TRNP1: variants seen among roughly 807,000 people sequenced by gnomAD.
The protein encoded by TRNP1 is TMF-regulated nuclear protein 1.
Under a neutral mutation model 12.2 loss-of-function variants are expected in TRNP1, and 16 were observed. The ratio of observed to expected loss-of-function variants is 1.31; its 90% CI spans 0.89 to 1.99. The LOEUF is 1.99. Among genes scored for constraint, TRNP1 ranks in the 30% most tolerant of loss-of-function variants. The pLI is 0.00. For synonymous variants in TRNP1, 139 were observed against 166.2 expected (o/e 0.84, Z 1.26); for missense variants, 338 against 330.4 (o/e 1.02, Z -0.18).
Position 26,993,984 on chromosome 1 carries a change from G to A in TRNP1, c.198G>A (p.Glu66=), listed in dbSNP as rs774801419. 1.5e-5 allele frequency: 20 copies of A among 1,312,448 alleles called. 1 individual carries two copies. The South Asian group carries it at 3.4e-4, about 22-fold the overall frequency. The allele number at this position is 1,312,448 out of a possible 1,614,324, so 81.3% of individuals were successfully genotyped here. A position where few individuals can be genotyped will look rare whatever the true frequency, so the allele number is the denominator to read the frequency against. Residue 66 remains glutamate (E), a synonymous_variant, in exon 1 of 2, where the codon GAG becomes GAA. Transcript: ENST00000522111. The stretch of plus-strand genomic sequence containing the variant: ...CTGGGGCTTCAGCAGGCGCGGCCGA[G>A]GACCAGGAGCTGCAGCGCTGGCGCC... The part of the protein sequence containing the change: ...DAAGASAGAA[E]DQELQRWRQG...
rs2082531003 is a variant in TRNP1 at position 26,993,940 on chromosome 1, C to T, written c.154C>T (p.Pro52Ser). 2 of 1,345,922 alleles carry T rather than the reference C, an allele frequency of 1.5e-6. No individual in the cohort carries two copies. Among genetic ancestry groups the T allele is most frequent in the Non-Finnish European group, 1.9e-6 (2 of 1,053,744 alleles). The allele number at this position is 1,345,922 out of a possible 1,614,324, so 83.4% of individuals were successfully genotyped here. Reference protein sequence around the residue: ...LTPTPTPGQSPPLPDAAGASA... With the variant: ...LTPTPTPGQSSPLPDAAGASA... Reference sequence around the variant, plus strand: ...TCCTACCCCGACCCCGGGTCAGTCCCCGCCGCTGCCGGACGCAGCTGGGGC... The same window carrying T: ...TCCTACCCCGACCCCGGGTCAGTCCTCGCCGCTGCCGGACGCAGCTGGGGC... The change falls in exon 1 of 2, where the codon CCG (proline) becomes TCG (serine). Residue 52 changes from proline to serine, a missense_variant. By Grantham distance (74) the Pro-to-Ser change is moderately conservative. Coordinates refer to ENST00000522111, the MANE Select transcript of TRNP1 (RefSeq NM_001013642.3).
chr1:26,994,653 G>A lies in TRNP1; in HGVS notation c.*142+41G>A. 2 of 303,612 alleles carry A rather than the reference G, an allele frequency of 6.6e-6. No homozygotes were observed. Among genetic ancestry groups the A allele is most frequent in the East Asian group, 1.7e-4 (2 of 11,512 alleles). The allele number at this position is 303,612 out of a possible 1,614,324, so 18.8% of individuals were successfully genotyped here. A position where few individuals can be genotyped will look rare whatever the true frequency, so the allele number is the denominator to read the frequency against. On this transcript the variant is annotated intron_variant, in intron 1 of 1. Transcript: ENST00000522111. The surrounding 1 kb of genome is among the most constrained non-coding windows in gnomAD (Gnocchi z 6.9). ...CTGGTGCGTTCGAGGGTCGGTCATG[G>A]CGTGTGGGGGGCTGGTCCAGGGCCC... is the stretch of plus-strand genomic sequence containing the variant.
intron 1 of TRNP1, among the ~76,000 whole-genome samples, chr1:26,995,389 A>G (rs76391705): frequency 0.026 from 3,914 of 152,268 alleles, 164 homozygotes; most frequent in African/African-American, 0.088. Flanking sequence ...GGCCTTAAAG[A>G]GCCAGATCTG....
intron 1 of TRNP1, among the ~76,000 whole-genome samples, chr1:26,999,351 T>C (rs1422302478): frequency 6.6e-6 from 1 of 152,152 alleles, no homozygotes; most frequent in Non-Finnish European, 1.5e-5. Context: ...GCCAGTGTAC[T>C]CCAGCCTGGG....
chr1:26,993,697 G>GTTCTATAA lies in TRNP1; in HGVS notation c.-90_-89insTTCTATAA, dbSNP rs2082528088. 1 of 1,234,452 alleles carries GTTCTATAA rather than the reference G, an allele frequency of 8.1e-7. No homozygotes were observed. The highest frequency in any genetic ancestry group is 1.0e-6 in the Non-Finnish European group (1 of 989,074). The allele number at this position is 1,234,452 out of a possible 1,614,324, so 76.5% of individuals were successfully genotyped here. On this transcript the variant is annotated 5_prime_UTR_variant, in exon 1 of 2. Coordinates refer to ENST00000522111, the MANE Select transcript of TRNP1 (RefSeq NM_001013642.3). ...CGGACGGCGGGCGCGCCTCTGGGGT[G>GTTCTATAA]GGGGCTGTGGCCGTGTCTAGCTGTT...
At chr1:26,995,792 A>G (rs1557698843) in intron 1 of TRNP1, among the ~76,000 whole-genome samples, 1 of 152,060 alleles carries the variant, frequency 6.6e-6, no homozygotes, top group African/African-American at 2.4e-5. Context: ...CACTATGCCC[A>G]TCTCATTTTG....
intron 1 of TRNP1, among the ~76,000 whole-genome samples, chr1:26,998,227 AAAG>A (rs1011642741): frequency 2.1e-5 from 3 of 144,076 alleles, no homozygotes; most frequent in Non-Finnish European, 3.2e-5. Flanking sequence ...ACTGAAAAAA[AAAG>A]GGGGGAGCAA....
At position 26,994,625 on chromosome 1, in the gene TRNP1, C is replaced by T. The variant is rs1160153806; in HGVS notation, c.*142+13C>T. 1.7e-5 allele frequency: 8 copies of T among 469,946 alleles called. No individual in the cohort carries two copies. Among genetic ancestry groups the T allele is most frequent in the Non-Finnish European group, 2.3e-5 (8 of 343,212 alleles). The allele number at this position is 469,946 out of a possible 1,614,324, so 29.1% of individuals were successfully genotyped here. A position where few individuals can be genotyped will look rare whatever the true frequency, so the allele number is the denominator to read the frequency against. ...AGAGGAGGCTGAGGTGCGGTCTTAG[C>T]GGCTGGTGCGTTCGAGGGTCGGTCA... is the stretch of plus-strand genomic sequence containing the variant. On this transcript the variant is annotated intron_variant, in intron 1 of 1. Coordinates refer to ENST00000522111, the MANE Select transcript of TRNP1 (RefSeq NM_001013642.3). This position sits in a 1 kb window ranked among gnomAD's most constrained non-coding sequence, Gnocchi z 6.9.
intron 1 of TRNP1, among the ~76,000 whole-genome samples, chr1:26,997,549 G>T (rs541404369): frequency 3.9e-5 from 6 of 152,172 alleles, no homozygotes; most frequent in Middle Eastern, 6.8e-3. Flanking sequence ...CGGACAGAAG[G>T]CTGACCCACC....
At chr1:26,996,985 A>C (rs1181227153) in intron 1 of TRNP1, among the ~76,000 whole-genome samples, 2 of 152,112 alleles carry the variant, frequency 1.3e-5, no homozygotes, top group Non-Finnish European at 2.9e-5. Context: ...CCAACTAACA[A>C]AAGGCACCTC....
rs962276784 is a variant in TRNP1, at chr1:26,996,725, T to C, written c.*142+2113T>C. Reference sequence around the variant, plus strand: ...AGTTTTGGCTTTCTCCAGGATTTATTTGTAATCAGCTTGTCCCGATTTGGG... The same window carrying C: ...AGTTTTGGCTTTCTCCAGGATTTATCTGTAATCAGCTTGTCCCGATTTGGG... On this transcript the variant is annotated intron_variant, in intron 1 of 1. Coordinates refer to ENST00000522111, the MANE Select transcript of TRNP1 (RefSeq NM_001013642.3). 3.9e-5 allele frequency among the ~76,000 whole-genome samples: 6 copies of C among 152,236 alleles called. No homozygotes were observed. The East Asian group carries it at 7.7e-4, about 20-fold the overall frequency.
chr1:27,000,582 C>T lies in TRNP1; in HGVS notation c.*878C>T, dbSNP rs2082567799. ...ATAGCCCAGAACTTGTAGAATTCTG[C>T]ATAGTGAATGTATATTGAATTAGTC... is the stretch of plus-strand genomic sequence containing the variant. On this transcript the variant is annotated 3_prime_UTR_variant, in exon 2 of 2. Coordinates refer to ENST00000522111, the MANE Select transcript of TRNP1 (RefSeq NM_001013642.3). 6.6e-6 allele frequency: 1 copy of T among 152,596 alleles called. No individual in the cohort carries two copies. The highest frequency in any genetic ancestry group is 2.4e-5 in the African/African-American group (1 of 41,424). The allele number at this position is 152,596 out of a possible 1,614,324, so 9.5% of individuals were successfully genotyped here.
chr1:26,996,616 C>T (rs1362140274), intron 1 of TRNP1, among the ~76,000 whole-genome samples: 2 of 152,166 alleles, frequency 1.3e-5, no homozygotes, highest in African/African-American at 4.8e-5. Flanking sequence ...CAGCCAGGAC[C>T]ATTTGTTTTC....
Position 26,994,162 on chromosome 1 carries a change from C to T in TRNP1, c.376C>T (p.Arg126Cys). The T allele has an allele frequency of 8.5e-6, 11 of 1,292,672 alleles. No individual in the cohort carries two copies. Among genetic ancestry groups the T allele is most frequent in the Non-Finnish European group, 1.1e-5 (11 of 1,015,268 alleles). The allele number at this position is 1,292,672 out of a possible 1,614,324, so 80.1% of individuals were successfully genotyped here. ...RRRLVSELES[R>C]VLQLHRVFLA... is the part of the protein sequence containing the mutation. The stretch of plus-strand genomic sequence containing the variant: ...GCGCCTGGTGTCGGAGCTGGAGAGC[C>T]GCGTGCTGCAGCTGCACCGCGTTTT... Residue 126 changes from arginine (R) to cysteine (C), a missense_variant, in exon 1 of 2, where the codon CGC (arginine) becomes TGC (cysteine). Physicochemically the swap from Arg to Cys is radical, Grantham distance 180. Transcript: ENST00000522111. The surrounding 1 kb of genome is among the most constrained non-coding windows in gnomAD (Gnocchi z 6.9).
Position 26,994,286 on chromosome 1 carries a change from C to A in TRNP1, c.500C>A (p.Ser167Ter). The A allele has an allele frequency of 2.6e-6, 3 of 1,168,744 alleles. No individual in the cohort carries two copies. Among genetic ancestry groups the A allele is most frequent in the South Asian group, 7.8e-5 (2 of 25,528 alleles). The allele number at this position is 1,168,744 out of a possible 1,614,324, so 72.4% of individuals were successfully genotyped here. The change falls in exon 1 of 2, where the codon TCG becomes TAG. Residue 167 changes from serine to a stop codon, truncating the protein, a stop_gained. Transcript: ENST00000522111. LOFTEE classifies it high-confidence loss of function. This position sits in a 1 kb window ranked among gnomAD's most constrained non-coding sequence, Gnocchi z 6.9. ...QAELYLAAHG[S>*]RLKKGPRRGR... ...GAGCTCTACCTGGCGGCTCACGGGT[C>A]GCGCCTCAAGAAGGGCCCGCGCCGC...
intron 1 of TRNP1, among the ~76,000 whole-genome samples, chr1:26,997,637 G>A (rs1234450678): frequency 6.6e-6 from 1 of 152,148 alleles, no homozygotes; most frequent in Non-Finnish European, 1.5e-5. Context: ...CAGGGATCTT[G>A]GGGGACCTGT....
Position 26,994,194 on chromosome 1 carries a change from G to T in TRNP1, c.408G>T (p.Ala136=). The part of the protein sequence containing the change: ...RVLQLHRVFL[A]AELRLAHRAE... ...TGCAGCTGCACCGCGTTTTCTTGGC[G>T]GCCGAGCTGCGCCTGGCGCACCGCG... is the stretch of plus-strand genomic sequence containing the variant. Residue 136 remains alanine, a synonymous_variant, in exon 1 of 2, where the codon GCG becomes GCT. Transcript: ENST00000522111. This position sits in a 1 kb window ranked among gnomAD's most constrained non-coding sequence, Gnocchi z 6.9. 3 of 1,294,286 alleles carry T rather than the reference G, an allele frequency of 2.3e-6. No homozygotes were observed. The highest frequency in any genetic ancestry group is 3.0e-6 in the Non-Finnish European group (3 of 1,016,336). The allele number at this position is 1,294,286 out of a possible 1,614,324, so 80.2% of individuals were successfully genotyped here. A position where few individuals can be genotyped will look rare whatever the true frequency, so the allele number is the denominator to read the frequency against.
At position 26,993,818 on chromosome 1, in the gene TRNP1, C is replaced by G. The variant is rs1183305813; in HGVS notation, c.32C>G (p.Pro11Arg). The G allele has an allele frequency of 1.5e-6, 2 of 1,325,610 alleles. 1 individual carries two copies. Among genetic ancestry groups the G allele is most frequent in the Non-Finnish European group, 1.9e-6 (2 of 1,041,254 alleles). 82.1% of individuals were successfully genotyped at this position (1,325,610 alleles called of 1,614,324 possible). A position where few individuals can be genotyped will look rare whatever the true frequency, so the allele number is the denominator to read the frequency against. Residue 11 changes from proline to arginine, a missense_variant, in exon 1 of 2, where the codon CCG (proline) becomes CGG (arginine). Coordinates refer to ENST00000522111, the MANE Select transcript of TRNP1 (RefSeq NM_001013642.3). ...GGCTGCCGCATCAGCGCCTGCGGCC[C>G]GGGGGCCCAGGAGGGGACGGCAGAG... MPGCRISACG[P>R]GAQEGTAEQR...
Position 26,993,853 on chromosome 1 carries a change from C to G in TRNP1, c.67C>G (p.Pro23Ala). ...AQEGTAEQRS[P>A]PPPWDPMPSS... ...GGAGGGGACGGCAGAGCAGAGGTCG[C>G]CGCCGCCGCCCTGGGATCCCATGCC... Residue 23 changes from proline to alanine, a missense_variant, in exon 1 of 2, where the codon CCG (proline) becomes GCG (alanine). Coordinates refer to ENST00000522111, the MANE Select transcript of TRNP1 (RefSeq NM_001013642.3). 1 of 1,355,470 alleles carries G rather than the reference C, an allele frequency of 7.4e-7. No individual in the cohort carries two copies. Among genetic ancestry groups the G allele is most frequent in the East Asian group, 3.1e-5 (1 of 32,522 alleles). 84.0% of individuals were successfully genotyped at this position (1,355,470 alleles called of 1,614,324 possible). A position where few individuals can be genotyped will look rare whatever the true frequency, so the allele number is the denominator to read the frequency against.
Sources: allele counts gnomAD v4.1 joint callset (sites outside exome capture counted in the v4.1 genomes callset), GRCh38; gene constraint gnomAD v4.1.1; non-coding constraint Gnocchi (gnomAD v3.1); transcripts MANE v1.5; gene names NCBI Gene and HGNC (gene_info 2026-07-23, HGNC 2026-07-21).